Variants in HCN1 observed in about 807,000 individuals in gnomAD.
HCN1 encodes the protein hyperpolarization activated cyclic nucleotide gated potassium channel 1, also known as potassium/sodium hyperpolarization-activated cyclic nucleotide-gated channel 1.
In HCN1, 13 loss-of-function variants were observed where a neutral mutation model predicts 78.9. The ratio of observed to expected loss-of-function variants is 0.16; its 90% CI spans 0.11 to 0.26. The LOEUF (loss-of-function observed/expected upper bound fraction) is 0.26, where lower values mean the gene tolerates loss of function less well. Ranked by LOEUF, HCN1 falls within the 10% of genes least tolerant of loss-of-function variation. The pLI is 1.00. For missense variants in HCN1, 810 were observed against 1,154.3 expected (o/e 0.70, Z 4.32); for synonymous variants, 552 against 455.5 (o/e 1.21, Z -2.70).
At chr5:45,670,421 A>G (rs1746127985) in intron 1 of HCN1, among the ~76,000 whole-genome samples, 1 of 151,706 alleles carries the variant, frequency 6.6e-6, no homozygotes, top group African/African-American at 2.4e-5. Context: ...TCTTTAAAAT[A>G]TTGCTACCAA....
intron 3 of HCN1, among the ~76,000 whole-genome samples, chr5:45,433,407 TCTGTTTG>T (rs1451926740): frequency 2.0e-5 from 3 of 152,070 alleles, no homozygotes; most frequent in Non-Finnish European, 2.9e-5. Flanking sequence ...CTGCTTTTTT[TCTGTTTG>T]CTGTTTGCTT....
chr5:45,657,720 A>G (rs1745802562), intron 1 of HCN1, among the ~76,000 whole-genome samples: 1 of 152,198 alleles, frequency 6.6e-6, no homozygotes, highest in Admixed American at 6.5e-5. Flanking sequence ...ACTACAAACC[A>G]CTGCTCAATG....
intron 2 of HCN1, among the ~76,000 whole-genome samples, chr5:45,464,262 C>T (rs554924273): frequency 6.0e-4 from 91 of 152,164 alleles, no homozygotes; most frequent in Non-Finnish European, 1.2e-3. Context: ...GATATAACAT[C>T]AATGATAACA....
At chr5:45,495,117 T>A (rs1250442720) in intron 2 of HCN1, among the ~76,000 whole-genome samples, 69 of 136,444 alleles carry the variant, frequency 5.1e-4, no homozygotes, top group African/African-American at 1.9e-3. Context: ...TTTAAAGTAG[T>A]TTTTTCCAAT....
At chr5:45,588,031 A>C (rs1744271189) in intron 2 of HCN1, among the ~76,000 whole-genome samples, 1 of 152,190 alleles carries the variant, frequency 6.6e-6, no homozygotes, top group African/African-American at 2.4e-5. Flanking sequence ...CTGATCTCAG[A>C]CATCAAATCT....
intron 1 of HCN1, among the ~76,000 whole-genome samples, chr5:45,648,965 T>C (rs1442284450): frequency 3.9e-5 from 6 of 151,908 alleles, no homozygotes; most frequent in African/African-American, 1.5e-4. Flanking sequence ...CTTAGTCTGT[T>C]TGTCAAGGCA....
chr5:45,348,130 C>T (rs1230506954), intron 5 of HCN1, among the ~76,000 whole-genome samples: 2 of 152,058 alleles, frequency 1.3e-5, no homozygotes, highest in Admixed American at 6.6e-5. Flanking sequence ...GTCGGATTAC[C>T]CACAAAGGGA....
At chr5:45,637,698 A>C (rs1580011275) in intron 2 of HCN1, among the ~76,000 whole-genome samples, 1 of 152,152 alleles carries the variant, frequency 6.6e-6, no homozygotes, top group East Asian at 1.9e-4. Context: ...AGTTCTAGAA[A>C]ACATGAACAC....
intron 2 of HCN1, among the ~76,000 whole-genome samples, chr5:45,506,597 G>T (rs1481645622): frequency 6.6e-6 from 1 of 152,090 alleles, no homozygotes; most frequent in African/African-American, 2.4e-5. Flanking sequence ...TGCAAACTGG[G>T]TTCATCAATA....
intron 3 of HCN1, among the ~76,000 whole-genome samples, chr5:45,438,350 T>C (rs1740600668): frequency 6.6e-6 from 1 of 152,034 alleles, no homozygotes; most frequent in African/African-American, 2.4e-5. Flanking sequence ...TATGACACTT[T>C]GGGAGGCCGA....
chr5:45,615,844 C>T (rs555407900), intron 2 of HCN1, among the ~76,000 whole-genome samples: 16 of 151,786 alleles, frequency 1.1e-4, no homozygotes, highest in South Asian at 2.1e-4. Flanking sequence ...TGATTACAAA[C>T]GAATCTTCTA....
At chr5:45,431,968 G>A (rs1428426080) in intron 3 of HCN1, among the ~76,000 whole-genome samples, 2 of 152,048 alleles carry the variant, frequency 1.3e-5, no homozygotes, top group African/African-American at 4.8e-5. Context: ...CTAATTCTAT[G>A]AGAATGTCAT....
intron 5 of HCN1, among the ~76,000 whole-genome samples, chr5:45,316,195 C>T (rs769121538): frequency 6.6e-6 from 1 of 152,126 alleles, no homozygotes; most frequent in Non-Finnish European, 1.5e-5. Context: ...TGCAGCAGCA[C>T]ATCTAAAAGG....
chr5:45,556,324 AG>A (rs1743468972), intron 2 of HCN1, among the ~76,000 whole-genome samples: 1 of 151,966 alleles, frequency 6.6e-6, no homozygotes, highest in Admixed American at 6.6e-5. Flanking sequence ...TACATTACCA[AG>A]GAACTCTAGA....
intron 3 of HCN1, among the ~76,000 whole-genome samples, chr5:45,453,845 C>G (rs191654274): frequency 6.6e-6 from 1 of 152,064 alleles, no homozygotes; most frequent in Non-Finnish European, 1.5e-5. Flanking sequence ...AAGGATATAA[C>G]GGAGAACTAA....
chr5:45,672,950 T>C (rs1372138675), intron 1 of HCN1, among the ~76,000 whole-genome samples: 2 of 150,930 alleles, frequency 1.3e-5, no homozygotes, highest in Non-Finnish European at 1.5e-5. Flanking sequence ...TGTTTATACA[T>C]TATTATTAAC....
intron 4 of HCN1, among the ~76,000 whole-genome samples, chr5:45,384,883 A>G (rs1279086794): frequency 6.6e-6 from 1 of 152,160 alleles, no homozygotes; most frequent in African/African-American, 2.4e-5. Context: ...ATCTCTTTGG[A>G]TCTCAGTTTT....
rs1483780880 is a variant in HCN1 at position 45,259,056 on chromosome 5, A to T, written c.*2865T>A. 1.3e-5 allele frequency: 2 copies of T among 151,966 alleles called. No individual in the cohort carries two copies. Among genetic ancestry groups the T allele is most frequent in the Non-Finnish European group, 2.9e-5 (2 of 67,894 alleles). The allele number at this position is 151,966 out of a possible 1,614,324, so 9.4% of individuals were successfully genotyped here. A position where few individuals can be genotyped will look rare whatever the true frequency, so the allele number is the denominator to read the frequency against. The stretch of plus-strand genomic sequence containing the variant: ...TTTACTATACGAAAAAGGTAAACAA[A>T]GAAGTGGTTGAAAAATCCATGTTCT... On this transcript the variant is annotated 3_prime_UTR_variant, in exon 8 of 8. Coordinates refer to ENST00000303230, the MANE Select transcript of HCN1 (RefSeq NM_021072.4).
intron 3 of HCN1, among the ~76,000 whole-genome samples, chr5:45,457,611 A>G (rs1216568984): frequency 6.6e-6 from 1 of 152,166 alleles, no homozygotes; most frequent in African/African-American, 2.4e-5. Context: ...TTCCGTTGTT[A>G]CAACAAAATA....
Sources: gnomAD v4.1 joint callset for allele counts (sites outside exome capture counted in the v4.1 genomes callset) on GRCh38, gnomAD v4.1.1 for gene constraint, MANE v1.5 for transcripts, NCBI Gene and HGNC (gene_info 2026-07-23, HGNC 2026-07-21) for gene names.